Variants in SLC5A12 observed in about 807,000 individuals in gnomAD.
SLC5A12 encodes the protein sodium-coupled monocarboxylate transporter 2.
Under a neutral mutation model 72.7 loss-of-function variants are expected in SLC5A12, and 46 were observed. That is an observed-to-expected ratio of 0.63 (90% CI 0.50 to 0.81). The LOEUF (loss-of-function observed/expected upper bound fraction) is 0.81, where lower values mean the gene tolerates loss of function less well. SLC5A12 is among the 30% of genes least tolerant of loss of function. The pLI is 0.00. For synonymous variants in SLC5A12, 275 were observed against 264.4 expected (o/e 1.04, Z -0.39); for missense variants, 683 against 740.7 (o/e 0.92, Z 0.90).
At chr11:26,671,367 G>A in intron 14 of SLC5A12, 116 bp from the exon 15 acceptor site, 1 of 729,608 alleles carries the variant, frequency 1.4e-6, no homozygotes, top group Non-Finnish European at 2.1e-6. Context: ...TACAAAAGAA[G>A]CATAAACAAC....
intron 11 of SLC5A12, among the ~76,000 whole-genome samples, chr11:26,682,913 C>T (rs759355221): frequency 2.0e-5 from 3 of 152,082 alleles, no homozygotes; most frequent in Admixed American, 6.6e-5. Flanking sequence ...ATCTCCTTTA[C>T]TTAGCCCCAC....
rs2133196335 is a variant in SLC5A12 at position 26,703,680 on chromosome 11, C to T, written c.681-9G>A. 1 of 1,613,698 alleles carries T rather than the reference C, an allele frequency of 6.2e-7. No individual in the cohort carries two copies. The highest frequency in any genetic ancestry group is 1.3e-5 in the African/African-American group (1 of 74,956). On this transcript the variant is annotated splice_polypyrimidine_tract_variant and intron_variant, in intron 5 of 14. Transcript: ENST00000396005. ...GAGGATCTACATCAAAGCTATGAGA[C>T]AGAGAGAAATGAGTGAACAAAGATA...
intron 8 of SLC5A12, among the ~76,000 whole-genome samples, chr11:26,695,748 C>G (rs965838815): frequency 6.6e-6 from 1 of 152,124 alleles, no homozygotes; most frequent in Non-Finnish European, 1.5e-5. Flanking sequence ...TGGTTTCGAA[C>G]CTTCTAATGA....
chr11:26,678,000 C>T lies in SLC5A12; in HGVS notation c.1579+712G>A, dbSNP rs536202125. ...CTCATGGGCTTTGAAACAAAAAGGA[C>T]ATTAATACATCAAAAGGGCAAGTAT... On this transcript the variant is annotated intron_variant, in intron 13 of 14. Coordinates refer to ENST00000396005, the MANE Select transcript of SLC5A12 (RefSeq NM_178498.4). 1.8e-4 allele frequency among the ~76,000 whole-genome samples: 28 copies of T among 152,232 alleles called. 1 individual carries two copies. The highest frequency in any genetic ancestry group is 6.7e-4 in the African/African-American group (28 of 41,574).
intron 1 of SLC5A12, among the ~76,000 whole-genome samples, chr11:26,714,370 A>G (rs1194876700): frequency 5.9e-5 from 9 of 152,162 alleles, no homozygotes; most frequent in Non-Finnish European, 1.3e-4. Flanking sequence ...TACAGATTAG[A>G]CGAAGTGACC....
chr11:26,700,537 G>C (rs1349132278), intron 6 of SLC5A12, among the ~76,000 whole-genome samples: 1 of 129,574 alleles, frequency 7.7e-6, no homozygotes, highest in East Asian at 2.4e-4. Flanking sequence ...AAATAAATCA[G>C]ATAATTTTAG....
In SLC5A12 at chr11:26,703,623, C is replaced by T; in HGVS notation, c.729G>A (p.Val243=). 1 of 1,613,902 alleles carries T rather than the reference C, an allele frequency of 6.2e-7. No individual in the cohort carries two copies. The highest frequency in any genetic ancestry group is 1.3e-5 in the African/African-American group (1 of 74,998). The change falls in exon 6 of 15, where the codon GTG becomes GTA. Residue 243 remains valine (V), a synonymous_variant. Transcript: ENST00000396005. The part of the protein sequence containing the change: ...LRRHTFWTIT[V]GGTFTWLGIY... Reference sequence around the variant, plus strand: ...TTCCGAGCCAAGTAAAAGTTCCTCCCACTGTGATAGTCCAAAAAGTGTGTC... The same window carrying T: ...TTCCGAGCCAAGTAAAAGTTCCTCCTACTGTGATAGTCCAAAAAGTGTGTC...
intron 14 of SLC5A12, 43 bp from the exon 15 acceptor site, chr11:26,671,294 T>G: frequency 6.6e-7 from 1 of 1,525,748 alleles, no homozygotes; most frequent in South Asian, 1.3e-5. Context: ...ATATCCTTGA[T>G]GTACTCCAAA....
chr11:26,694,170 G>C (rs917060186), intron 8 of SLC5A12, among the ~76,000 whole-genome samples: 1 of 152,088 alleles, frequency 6.6e-6, no homozygotes, highest in Non-Finnish European at 1.5e-5. Context: ...CTACAAGATA[G>C]TGGAAATATT....
At chr11:26,714,108 C>CA (rs55772307) in intron 1 of SLC5A12, among the ~76,000 whole-genome samples, 112,750 of 150,552 alleles carry the variant, frequency 0.75, 47,603 homozygotes, top group Non-Finnish European at 0.94. Context: ...TCAAAACGAA[C>CA]AAAAAAAAAC....
chr11:26,704,433 C>A (rs1855036909), intron 4 of SLC5A12, among the ~76,000 whole-genome samples: 1 of 152,038 alleles, frequency 6.6e-6, no homozygotes, highest in Non-Finnish European at 1.5e-5. Flanking sequence ...TGTGAAACAC[C>A]CAAAGAGGAA....
At chr11:26,673,268 A>G in intron 14 of SLC5A12, 134 bp downstream of exon 14, 1 of 1,036,886 alleles carries the variant, frequency 9.6e-7, no homozygotes, top group South Asian at 2.6e-5. Flanking sequence ...TCTGAAGCTG[A>G]AACTCAAATT....
In SLC5A12 at chr11:26,670,989, C is replaced by T. The variant is rs1854125795; in HGVS notation, c.*113G>A. The T allele has an allele frequency of 3.2e-6, 3 of 935,796 alleles. No individual in the cohort carries two copies. The highest frequency in any genetic ancestry group is 2.9e-5 in the Admixed American group (1 of 33,964). 58.0% of individuals were successfully genotyped at this position (935,796 alleles called of 1,614,324 possible). On this transcript the variant is annotated 3_prime_UTR_variant, in exon 15 of 15. Coordinates refer to ENST00000396005, the MANE Select transcript of SLC5A12 (RefSeq NM_178498.4). The stretch of plus-strand genomic sequence containing the variant: ...AGAAATAGGCACCAGACATCCCTGT[C>T]TTCTAGCAATGGCAACTATACATAT...
intron 10 of SLC5A12, among the ~76,000 whole-genome samples, chr11:26,685,385 C>A (rs1042460414): frequency 2.0e-5 from 3 of 152,046 alleles, no homozygotes. Flanking sequence ...ACTCGGAGGC[C>A]GAGGCTGGTG....
intron 6 of SLC5A12, among the ~76,000 whole-genome samples, chr11:26,699,639 G>A (rs186980556): frequency 2.6e-5 from 4 of 152,228 alleles, no homozygotes; most frequent in East Asian, 1.9e-4. Flanking sequence ...GAGCAATACC[G>A]ATAATTGCAT....
chr11:26,722,603 A>G (rs1245238100), upstream of SLC5A12, among the ~76,000 whole-genome samples: 2 of 152,166 alleles, frequency 1.3e-5, no homozygotes, highest in Non-Finnish European at 2.9e-5. Flanking sequence ...TAATTAATAA[A>G]TTATTTATAG....
At chr11:26,682,199 A>G (rs1265331764) in intron 11 of SLC5A12, among the ~76,000 whole-genome samples, 1 of 151,980 alleles carries the variant, frequency 6.6e-6, no homozygotes, top group African/African-American at 2.4e-5. Flanking sequence ...GGGCACTGAA[A>G]TTGGAATTTT....
At chr11:26,675,408 G>C (rs1185459253) in intron 13 of SLC5A12, among the ~76,000 whole-genome samples, 1 of 152,150 alleles carries the variant, frequency 6.6e-6, no homozygotes, top group Non-Finnish European at 1.5e-5. Flanking sequence ...CAGAAGCTCT[G>C]TGTTTGCCTT....
rs1229997284 is a variant in SLC5A12, at chr11:26,703,895, A to G, written c.578T>C (p.Ile193Thr). Residue 193 changes from isoleucine (I) to threonine (T), a missense_variant, in exon 5 of 15, where the codon ATT (isoleucine) becomes ACT (threonine). Ile to Thr is a moderately conservative substitution (Grantham distance 89, BLOSUM62 -1). Coordinates refer to ENST00000396005, the MANE Select transcript of SLC5A12 (RefSeq NM_178498.4). ...WTDAFQMVVMIVGFLTVLIQG... is the reference protein window; with the variant it reads ...WTDAFQMVVMTVGFLTVLIQG... ...AATGAGAACCGTTAAGAAGCCCACA[A>G]TCATGACAACCATCTGAAATGCATC... is the stretch of plus-strand genomic sequence containing the variant. 3 of 1,613,916 alleles carry G rather than the reference A, an allele frequency of 1.9e-6. No individual in the cohort carries two copies. Among genetic ancestry groups the G allele is most frequent in the South Asian group, 1.1e-5 (1 of 91,074 alleles).
Sources: gnomAD v4.1 joint callset for allele counts (sites outside exome capture counted in the v4.1 genomes callset) on GRCh38, gnomAD v4.1.1 for gene constraint, MANE v1.5 for transcripts, NCBI Gene and HGNC (gene_info 2026-07-23, HGNC 2026-07-21) for gene names.